Variants in SYT1 observed in about 807,000 individuals in gnomAD.
SYT1 encodes the protein synaptotagmin 1, also known as synaptotagmin-1.
Under a neutral mutation model 44.8 loss-of-function variants are expected in SYT1, and 8 were observed. The observed-to-expected ratio is 0.18, with a 90% CI of 0.10 to 0.32. The LOEUF is 0.32. Among genes scored for constraint, SYT1 ranks in the 10% least tolerant of loss-of-function variants. The pLI is 1.00. For synonymous variants in SYT1, 154 were observed against 188.8 expected (o/e 0.82, Z 1.51); for missense variants, 286 against 509.3 (o/e 0.56, Z 4.22).
At chr12:78,953,901 T>C (rs1555184034) in intron 1 of SYT1, among the ~76,000 whole-genome samples, 1 of 152,012 alleles carries the variant, frequency 6.6e-6, no homozygotes, top group Non-Finnish European at 1.5e-5. Flanking sequence ...ACTATCCAAA[T>C]ATTTTTTTTA....
chr12:79,115,582 T>C (rs1018689133), intron 3 of SYT1, among the ~76,000 whole-genome samples: 1 of 152,182 alleles, frequency 6.6e-6, no homozygotes, highest in African/African-American at 2.4e-5. Context: ...TTAAGTGAAA[T>C]ATCAAAAATA....
chr12:79,115,015 C>T (rs1383525822), intron 3 of SYT1, among the ~76,000 whole-genome samples: 1 of 152,158 alleles, frequency 6.6e-6, no homozygotes, highest in Non-Finnish European at 1.5e-5. Flanking sequence ...ATCATCCTGA[C>T]CAGACCTCTC....
At chr12:79,078,846 G>A (rs552889045) in intron 3 of SYT1, among the ~76,000 whole-genome samples, 34 of 152,184 alleles carry the variant, frequency 2.2e-4, no homozygotes, top group Non-Finnish European at 4.9e-4. Flanking sequence ...GTTTCAAGAA[G>A]GTTTTATACA....
intron 8 of SYT1, among the ~76,000 whole-genome samples, chr12:79,312,432 T>C (rs1880854376): frequency 6.6e-6 from 1 of 152,214 alleles, no homozygotes; most frequent in South Asian, 2.1e-4. Flanking sequence ...ATGTGATATT[T>C]GCATGGAACT....
intron 9 of SYT1, among the ~76,000 whole-genome samples, chr12:79,410,186 T>A (rs961890690): frequency 1.3e-5 from 2 of 152,152 alleles, no homozygotes; most frequent in African/African-American, 4.8e-5. Flanking sequence ...AGTTTCATGT[T>A]GCTAAAAGAG....
intron 3 of SYT1, among the ~76,000 whole-genome samples, chr12:79,053,684 CAA>C (rs1874711113): frequency 6.7e-6 from 1 of 149,516 alleles, no homozygotes; most frequent in East Asian, 1.9e-4. Context: ...TATAAATAAA[CAA>C]CACTTATTTT....
chr12:79,111,955 C>T (rs927033418), intron 3 of SYT1, among the ~76,000 whole-genome samples: 9 of 151,036 alleles, frequency 6.0e-5, no homozygotes, highest in African/African-American at 2.0e-4. Flanking sequence ...TATTGCAGAG[C>T]GCAGTGGTAG....
intron 1 of SYT1, among the ~76,000 whole-genome samples, chr12:78,949,713 A>G (rs1030353551): frequency 1.2e-4 from 18 of 152,016 alleles, no homozygotes; most frequent in African/African-American, 3.9e-4. Flanking sequence ...AAAATATGAC[A>G]GATTTTCAAA....
At chr12:79,132,688 A>C (rs1274797853) in intron 3 of SYT1, among the ~76,000 whole-genome samples, 3 of 150,486 alleles carry the variant, frequency 2.0e-5, no homozygotes, top group Non-Finnish European at 3.0e-5. Context: ...AAAAAAAAAA[A>C]AAAAAAAAAA....
At chr12:79,173,310 G>A (rs1302739496) in intron 3 of SYT1, among the ~76,000 whole-genome samples, 1 of 152,026 alleles carries the variant, frequency 6.6e-6, no homozygotes, top group African/African-American at 2.4e-5. Context: ...CAGCCTCTTA[G>A]GAGGTAGGCA....
intron 4 of SYT1, among the ~76,000 whole-genome samples, chr12:79,284,172 C>A (rs1472393837): frequency 6.6e-6 from 1 of 151,816 alleles, no homozygotes; most frequent in Non-Finnish European, 1.5e-5. Flanking sequence ...ATTATGAATA[C>A]TTCCCTTCCA....
At chr12:79,041,200 T>A (rs1212939065) in intron 2 of SYT1, among the ~76,000 whole-genome samples, 1 of 151,944 alleles carries the variant, frequency 6.6e-6, no homozygotes, top group South Asian at 2.1e-4. Context: ...ATTGAATCTG[T>A]AAATTACCTT....
At chr12:79,248,777 G>C (rs1410957928) in intron 4 of SYT1, among the ~76,000 whole-genome samples, 3 of 152,214 alleles carry the variant, frequency 2.0e-5, no homozygotes, top group African/African-American at 7.2e-5. Flanking sequence ...GTTTAAGTCA[G>C]CTGGAGACCC....
In SYT1 at chr12:79,134,646, A is replaced by G. The variant is rs146626695; in HGVS notation, c.-17-82857A>G. 8.7e-4 allele frequency among the ~76,000 whole-genome samples: 132 copies of G among 152,252 alleles called. 2 individuals are homozygous for G. The East Asian group carries it at 0.02, about 23-fold the overall frequency. ...TATGTCTGTCTCATCCCTTAAGTCT[A>G]CCTACATTTAAATTTTATTTCTTGG... On this transcript the variant is annotated intron_variant, in intron 3 of 10. Coordinates refer to ENST00000261205, the MANE Select transcript of SYT1 (RefSeq NM_005639.3).
chr12:79,175,786 A>G (rs1197286913), intron 3 of SYT1, among the ~76,000 whole-genome samples: 1 of 152,024 alleles, frequency 6.6e-6, no homozygotes, highest in African/African-American at 2.4e-5. Flanking sequence ...TTACCCCTCT[A>G]TCAGTAGGCA....
At chr12:79,414,032 T>G (rs1868585771) in intron 9 of SYT1, among the ~76,000 whole-genome samples, 1 of 152,160 alleles carries the variant, frequency 6.6e-6, no homozygotes, top group Non-Finnish European at 1.5e-5. Flanking sequence ...AATGAAAATT[T>G]AGTGGGCAAT....
intron 1 of SYT1, among the ~76,000 whole-genome samples, chr12:78,888,215 TAGA>T (rs1272752776): frequency 2.0e-5 from 3 of 151,868 alleles, no homozygotes; most frequent in Admixed American, 6.6e-5. Flanking sequence ...GCTTTGTTTG[TAGA>T]AGATTACACA....
At chr12:79,426,088 A>G (rs1336506226) in intron 9 of SYT1, among the ~76,000 whole-genome samples, 1 of 152,172 alleles carries the variant, frequency 6.6e-6, no homozygotes, top group Non-Finnish European at 1.5e-5. Context: ...GATTAAAAAA[A>G]AAAAAAATAG....
chr12:79,127,866 ATGT>A (rs1868538891), intron 3 of SYT1, among the ~76,000 whole-genome samples: 1 of 152,216 alleles, frequency 6.6e-6, no homozygotes, highest in Non-Finnish European at 1.5e-5. Context: ...ATATTGTTTA[ATGT>A]TGTTTAAATT....
Sources: allele counts gnomAD v4.1 joint callset (sites outside exome capture counted in the v4.1 genomes callset), GRCh38; gene constraint gnomAD v4.1.1; transcripts MANE v1.5; gene names NCBI Gene and HGNC (gene_info 2026-07-23, HGNC 2026-07-21).